Variants in TMEM175 observed in about 807,000 individuals in gnomAD.
TMEM175 encodes transmembrane protein 175.
In TMEM175, 36 loss-of-function variants were observed where a neutral mutation model predicts 36.5. The observed-to-expected ratio is 0.99, with a 90% CI of 0.76 to 1.30. The LOEUF is 1.30. Among genes scored for constraint, TMEM175 ranks in the 50% most tolerant of loss-of-function variants. The pLI, the probability that TMEM175 is intolerant of heterozygous loss-of-function variation, is 0.00. For missense variants in TMEM175, 705 were observed against 692.8 expected, an observed-to-expected ratio of 1.02 and a Z score of -0.20; for synonymous variants, 339 against 313.4, an observed-to-expected ratio of 1.08 and a Z score of -0.86.
chr4:934,545 A>G (rs577829301), intron 1 of TMEM175, among the ~76,000 whole-genome samples: 3 of 152,340 alleles, frequency 2.0e-5, no homozygotes, highest in African/African-American at 7.2e-5. Context: ...AGAGGGATGA[A>G]GAGATGATGA....
At chr4:940,878 T>C (rs966620986) in intron 1 of TMEM175, among the ~76,000 whole-genome samples, 27 of 150,704 alleles carry the variant, frequency 1.8e-4, no homozygotes, top group African/African-American at 6.3e-4. Flanking sequence ...TGGTGGCGTG[T>C]GCCTGTAATC....
intron 7 of TMEM175, 77 bp downstream of exon 7, chr4:952,527 CG>C: frequency 7.4e-7 from 1 of 1,356,442 alleles, no homozygotes; most frequent in Non-Finnish European, 1.0e-6. Context: ...TGATCACCAT[CG>C]GGGTCGTGCA....
At chr4:940,641 G>A (rs1727333094) in intron 1 of TMEM175, among the ~76,000 whole-genome samples, 1 of 152,052 alleles carries the variant, frequency 6.6e-6, no homozygotes, top group Non-Finnish European at 1.5e-5. Context: ...ATGGACTTAG[G>A]TTAATTGTGA....
rs551284752 is a variant in TMEM175 at position 938,322 on chromosome 4, G to A, written c.-32+5782G>A. 5.1e-4 allele frequency among the ~76,000 whole-genome samples: 77 copies of A among 152,302 alleles called. No homozygotes were observed. The Middle Eastern group carries it at 0.014, about 27-fold the overall frequency. On this transcript the variant is annotated intron_variant, in intron 1 of 10. Transcript: ENST00000264771. ...AGTTTGAGACCAGCCTGGCCAACAC[G>A]GTGAAACCCCGTCTCTACTAAAAAT...
At chr4:948,505 G>A in intron 3 of TMEM175, 2 of 1,407,402 alleles carry the variant, frequency 1.4e-6, no homozygotes, top group Non-Finnish European at 1.9e-6. Flanking sequence ...CTCTGCGGGA[G>A]GGCAGCTGCC....
At chr4:939,432 T>A (rs548943920) in intron 1 of TMEM175, among the ~76,000 whole-genome samples, 1 of 151,680 alleles carries the variant, frequency 6.6e-6, no homozygotes, top group Admixed American at 6.6e-5. Flanking sequence ...AATACAAAAA[T>A]TAGCTGAGCG....
chr4:948,578 G>A, intron 3 of TMEM175: 1 of 1,317,032 alleles, frequency 7.6e-7, no homozygotes, highest in South Asian at 1.2e-5. Context: ...CGTCTCAGCG[G>A]GGACACTCCC....
At position 958,441 on chromosome 4, in the gene TMEM175, C is replaced by A; in HGVS notation, c.1460C>A (p.Pro487Gln). The stretch of plus-strand genomic sequence containing the variant: ...CTCGCCCGGCCCGAACACCCCCCGC[C>A]AGCCCCCACGGGCCAGGACGACCCA... ...RGLARPEHPP[P>Q]APTGQDDPQS... The change falls in exon 11 of 11, where the codon CCA becomes CAA. Residue 487 changes from proline (P) to glutamine (Q), a missense_variant. Physicochemically the swap from Pro to Gln is moderately conservative, Grantham distance 76. Transcript: ENST00000264771. 1 of 1,588,558 alleles carries A rather than the reference C, an allele frequency of 6.3e-7. No individual in the cohort carries two copies. Among genetic ancestry groups the A allele is most frequent in the Non-Finnish European group, 8.5e-7 (1 of 1,173,648 alleles).
At chr4:945,660 C>T (rs752057355) in intron 1 of TMEM175, among the ~76,000 whole-genome samples, 3 of 152,198 alleles carry the variant, frequency 2.0e-5, no homozygotes, top group Non-Finnish European at 4.4e-5. Context: ...CCTCTTCCTG[C>T]GGACCCTCTA....
At chr4:956,015 G>A (rs978787745) in intron 10 of TMEM175, 125 bp downstream of exon 10, 3 of 1,272,218 alleles carry the variant, frequency 2.4e-6, no homozygotes, top group Non-Finnish European at 3.3e-6. Flanking sequence ...TGGATGCCTA[G>A]AGTTTTGTGT....
In TMEM175 at chr4:957,917, G is replaced by A. The variant is rs139135369; in HGVS notation, c.936G>A (p.Ala312=). Residue 312 remains alanine, a synonymous_variant, in exon 11 of 11, where the codon GCG becomes GCA. Transcript: ENST00000264771. The part of the protein sequence containing the change: ...ALSATGPRFL[A]YFGSFATVGL... ...GTGCGACCGGGCCGCGCTTCCTGGC[G>A]TACTTCGGCTCCTTCGCCACAGTGG... 53 of 1,612,896 alleles carry A rather than the reference G, an allele frequency of 3.3e-5. No individual in the cohort carries two copies. Among genetic ancestry groups the A allele is most frequent in the Middle Eastern group, 1.6e-4 (1 of 6,062 alleles).
At chr4:956,929 G>A (rs1404973447) in intron 10 of TMEM175, 1 of 161,850 alleles carries the variant, frequency 6.2e-6, no homozygotes, top group South Asian at 1.6e-4. Context: ...TTAAAAACGG[G>A]AAGCAAACGT....
chr4:949,911 G>A (rs563177726), intron 3 of TMEM175, among the ~76,000 whole-genome samples: 7 of 152,322 alleles, frequency 4.6e-5, no homozygotes, highest in South Asian at 2.1e-4. Context: ...ACGCCTCACA[G>A]GGATGGCGTT....
chr4:957,785 G>A lies in TMEM175; in HGVS notation c.843-39G>A, dbSNP rs745534224. On this transcript the variant is annotated intron_variant, in intron 10 of 10. Transcript: ENST00000264771. ...ACCCTGCTGGGGCCTGTGTGGCCACGGCAAGGCCGGCACAAATGCATCTAT... is the reference window on the plus strand; with the variant it reads ...ACCCTGCTGGGGCCTGTGTGGCCACAGCAAGGCCGGCACAAATGCATCTAT... The A allele has an allele frequency of 2.5e-5, 39 of 1,557,404 alleles. 1 individual carries two copies. The highest frequency in any genetic ancestry group is 9.8e-5 in the South Asian group (8 of 81,684).
chr4:947,229 C>T (rs10008187), intron 1 of TMEM175, among the ~76,000 whole-genome samples: 51,518 of 144,782 alleles, frequency 0.36, 9,357 homozygotes, highest in African/African-American at 0.39. Context: ...GCCCCAGGCA[C>T]GTGTGCACGG....
intron 1 of TMEM175, among the ~76,000 whole-genome samples, chr4:937,111 C>T (rs1283607909): frequency 6.6e-6 from 1 of 151,994 alleles, no homozygotes; most frequent in African/African-American, 2.4e-5. Context: ...TTACACATTG[C>T]ATGCTTGTAT....
Position 947,887 on chromosome 4 carries a change from G to A in TMEM175, c.148G>A (p.Val50Ile), listed in dbSNP as rs1004887760. Residue 50 changes from valine (V) to isoleucine (I), a missense_variant, in exon 2 of 11, where the codon GTC (valine) becomes ATC (isoleucine). Val to Ile is a conservative substitution (Grantham distance 29, BLOSUM62 3). Transcript: ENST00000264771. ...SDALLSIIAT[V>I]MILPVTHTEI... is the part of the protein sequence containing the mutation. ...CGCCCTGCTGTCCATCATCGCCACC[G>A]TCATGGTCTGTACGGGGCCCCTGCT... 6 of 1,613,684 alleles carry A rather than the reference G, an allele frequency of 3.7e-6. No individual in the cohort carries two copies. Among genetic ancestry groups the A allele is most frequent in the Admixed American group, 3.3e-5 (2 of 60,000 alleles).
chr4:935,455 G>C lies in TMEM175; in HGVS notation c.-32+2915G>C, dbSNP rs61288512. Among the ~76,000 whole-genome samples the C allele has an allele frequency of 1.1e-3, 173 of 152,250 alleles. 2 individuals are homozygous for C. Among genetic ancestry groups the C allele is most frequent in the African/African-American group, 4.1e-3 (169 of 41,568 alleles). ...AGAGGATCATTTTGTAATGAAGAAG[G>C]GGTGAATTCATCGAAAAGACTTGAT... On this transcript the variant is annotated intron_variant, in intron 1 of 10. Coordinates refer to ENST00000264771, the MANE Select transcript of TMEM175 (RefSeq NM_032326.4).
At position 957,966 on chromosome 4, in the gene TMEM175, T is replaced by G; in HGVS notation, c.985T>G (p.Ser329Ala). The G allele has an allele frequency of 6.2e-7, 1 of 1,612,892 alleles. No homozygotes were observed. The highest frequency in any genetic ancestry group is 1.1e-5 in the South Asian group (1 of 91,086). The change falls in exon 11 of 11, where the codon TCA (serine) becomes GCA (alanine). Residue 329 changes from serine to alanine, a missense_variant. Ser to Ala is a moderately conservative substitution (Grantham distance 99, BLOSUM62 1). Transcript: ENST00000264771. ...TVGLLWFAHH[S>A]LFLHVRKATR... Reference sequence around the variant, plus strand: ...GGGACTGCTGTGGTTCGCCCACCACTCACTCTTCCTGCATGTGCGCAAGGC... The same window carrying G: ...GGGACTGCTGTGGTTCGCCCACCACGCACTCTTCCTGCATGTGCGCAAGGC...
Sources: gnomAD v4.1 joint callset for allele counts (sites outside exome capture counted in the v4.1 genomes callset) on GRCh38, gnomAD v4.1.1 for gene constraint, MANE v1.5 for transcripts, NCBI Gene and HGNC (gene_info 2026-07-23, HGNC 2026-07-21) for gene names.